SNTG1: variants seen among roughly 807,000 people sequenced by gnomAD.
The protein encoded by SNTG1 is gamma-1-syntrophin.
In SNTG1, 39 loss-of-function variants were observed where a neutral mutation model predicts 74.7. That is an observed-to-expected ratio of 0.52 (90% CI 0.40 to 0.68). The LOEUF is 0.68. SNTG1 is among the 30% of genes least tolerant of loss of function. The pLI is 0.00. For synonymous variants in SNTG1, 254 were observed against 217.1 expected (o/e 1.17, Z -1.49); for missense variants, 685 against 609.5 (o/e 1.12, Z -1.30).
intron 2 of SNTG1, among the ~76,000 whole-genome samples, chr8:50,301,528 A>G (rs773956910): frequency 1.1e-4 from 17 of 152,142 alleles, no homozygotes; most frequent in Non-Finnish European, 2.4e-4. Context: ...TATACTTACA[A>G]TAATTGATTT....
chr8:50,620,447 T>C (rs973913303), intron 13 of SNTG1, among the ~76,000 whole-genome samples: 4 of 152,188 alleles, frequency 2.6e-5, no homozygotes, highest in African/African-American at 9.7e-5. Context: ...CTTTGGCACC[T>C]GTAGGAACAC....
chr8:50,092,378 A>G (rs203610), intron 1 of SNTG1, among the ~76,000 whole-genome samples: 145,370 of 152,216 alleles, frequency 0.96, 69,496 homozygotes, highest in East Asian at 1. Context: ...TTCCTTTAGG[A>G]AGGCCGTGTT....
intron 2 of SNTG1, among the ~76,000 whole-genome samples, chr8:50,340,009 C>T (rs1351353218): frequency 1.6e-5 from 2 of 126,728 alleles, no homozygotes; most frequent in African/African-American, 5.9e-5. Flanking sequence ...AGATACAAAT[C>T]CATAAAAATA....
intron 1 of SNTG1, among the ~76,000 whole-genome samples, chr8:50,036,560 A>G (rs1375363870): frequency 6.6e-6 from 1 of 152,026 alleles, no homozygotes; most frequent in Admixed American, 6.6e-5. Context: ...TCATCTCCTC[A>G]CTAGACGAGA....
At chr8:50,101,644 G>A (rs987536081) in intron 1 of SNTG1, among the ~76,000 whole-genome samples, 2 of 151,938 alleles carry the variant, frequency 1.3e-5, no homozygotes, top group Non-Finnish European at 2.9e-5. Context: ...TGCCATGCTG[G>A]TGTGCTGCAC....
intron 18 of SNTG1, among the ~76,000 whole-genome samples, chr8:50,758,421 T>C (rs2095587295): frequency 6.6e-6 from 1 of 152,000 alleles, no homozygotes; most frequent in South Asian, 2.1e-4. Flanking sequence ...GCTGCATCCA[T>C]CAACCTGTCA....
chr8:50,108,341 TTTATGTTCTGGTATTTCAG>T (rs1296671592), intron 1 of SNTG1, among the ~76,000 whole-genome samples: 2 of 152,180 alleles, frequency 1.3e-5, no homozygotes, highest in Non-Finnish European at 2.9e-5. Context: ...TACAAGACAG[TTTATGTTCTGGTATTTCAG>T]AAGGCAGGTC....
chr8:50,040,283 T>C (rs1048885140), intron 1 of SNTG1, among the ~76,000 whole-genome samples: 1 of 152,124 alleles, frequency 6.6e-6, no homozygotes, highest in Admixed American at 6.5e-5. Context: ...TGCATTTAAC[T>C]CCATATCTTT....
chr8:50,643,604 A>G (rs1269353944), intron 13 of SNTG1, among the ~76,000 whole-genome samples: 4 of 152,238 alleles, frequency 2.6e-5, no homozygotes, highest in African/African-American at 9.6e-5. Flanking sequence ...TGTTTAGTTC[A>G]TTTTATAACT....
chr8:50,512,610 C>A (rs761102737), intron 9 of SNTG1, among the ~76,000 whole-genome samples: 1 of 152,142 alleles, frequency 6.6e-6, no homozygotes. Context: ...AGGCTTTGCT[C>A]GTTTCTTTTT....
At chr8:50,182,500 G>A (rs1386177294) in intron 2 of SNTG1, among the ~76,000 whole-genome samples, 1 of 152,082 alleles carries the variant, frequency 6.6e-6, no homozygotes, top group Non-Finnish European at 1.5e-5. Flanking sequence ...GGTACAAGAT[G>A]CATGTTACTA....
intron 1 of SNTG1, among the ~76,000 whole-genome samples, chr8:50,033,945 A>T (rs951492370): frequency 6.6e-6 from 1 of 152,238 alleles, no homozygotes; most frequent in African/African-American, 2.4e-5. Context: ...CAGATGGGAA[A>T]AGATAAGCAG....
At chr8:50,659,985 A>T (rs2131285180) in intron 15 of SNTG1, among the ~76,000 whole-genome samples, 1 of 152,098 alleles carries the variant, frequency 6.6e-6, no homozygotes, top group South Asian at 2.1e-4. Context: ...GACTACAGGC[A>T]CATGCCACCA....
At chr8:49,910,105 C>G (rs1320330884), upstream of SNTG1, among the ~76,000 whole-genome samples, 2 of 152,214 alleles carry the variant, frequency 1.3e-5, no homozygotes, top group African/African-American at 4.8e-5. Flanking sequence ...TGGTTCCAGA[C>G]CAGCGGGAAC....
chr8:50,072,986 T>C (rs1372202850), intron 1 of SNTG1, among the ~76,000 whole-genome samples: 2 of 152,150 alleles, frequency 1.3e-5, no homozygotes, highest in African/African-American at 2.4e-5. Context: ...CAGGCCTCCA[T>C]ATTGATGGCT....
intron 2 of SNTG1, among the ~76,000 whole-genome samples, chr8:50,226,142 C>T (rs1204686177): frequency 6.6e-6 from 1 of 151,982 alleles, no homozygotes; most frequent in Non-Finnish European, 1.5e-5. Context: ...TAATTTTATG[C>T]AAATGTTATA....
At chr8:50,279,105 C>T (rs34425585) in intron 2 of SNTG1, among the ~76,000 whole-genome samples, 71,367 of 151,878 alleles carry the variant, frequency 0.47, 19,332 homozygotes, top group East Asian at 0.83. Flanking sequence ...TTATCAAAAG[C>T]TTAAATGATG....
At chr8:50,498,565 T>A (rs1269791850) in intron 8 of SNTG1, among the ~76,000 whole-genome samples, 2 of 152,052 alleles carry the variant, frequency 1.3e-5, no homozygotes, top group East Asian at 3.9e-4. Flanking sequence ...AAAAGTATGT[T>A]GCATAGAAAA....
chr8:50,602,202 T>C lies in SNTG1; in HGVS notation c.849+11285T>C, dbSNP rs544095081. 3.9e-5 allele frequency among the ~76,000 whole-genome samples: 6 copies of C among 152,232 alleles called. No homozygotes were observed. The South Asian group carries it at 1.2e-3, about 31-fold the overall frequency. On this transcript the variant is annotated intron_variant, in intron 13 of 18. Coordinates refer to ENST00000642720, the MANE Select transcript of SNTG1 (RefSeq NM_018967.5). ...GTGGTCTTCTCATTCTTATTTCCTT[T>C]CATCTAGTCTTCCTTTTAGTTAACA...
Sources: allele counts gnomAD v4.1 joint callset (sites outside exome capture counted in the v4.1 genomes callset), GRCh38; gene constraint gnomAD v4.1.1; transcripts MANE v1.5; gene names NCBI Gene and HGNC (gene_info 2026-07-23, HGNC 2026-07-21).